MMP26: variants seen among roughly 807,000 people sequenced by gnomAD.
The protein encoded by MMP26 is matrix metalloproteinase-26.
A neutral mutation model predicts 31.0 loss-of-function variants in MMP26; 33 were observed. The observed-to-expected ratio is 1.06, with a 90% confidence interval of 0.81 to 1.42. The LOEUF (loss-of-function observed/expected upper bound fraction) is 1.42. Ranked by LOEUF, MMP26 falls within the 40% of genes most tolerant of loss-of-function variation. The pLI is 0.00. For missense variants in MMP26, 347 were observed against 316.1 expected (o/e 1.10, Z -0.74); for synonymous variants, 122 against 114.9 (o/e 1.06, Z -0.40).
rs568479519 is a variant in MMP26 at position 4,929,612 on chromosome 11, C to T, written c.-144-58456C>T. Reference sequence around the variant, plus strand: ...CTGTTCATTCAAATTAATTTTACTCCCTTTTTATTGCAGTTTTTCTAGTCA... The same window carrying T: ...CTGTTCATTCAAATTAATTTTACTCTCTTTTTATTGCAGTTTTTCTAGTCA... On this transcript the variant is annotated intron_variant, in intron 2 of 7. Transcript: ENST00000380390. Among the ~76,000 whole-genome samples, 88 of 152,082 alleles carry T rather than the reference C, an allele frequency of 5.8e-4. 1 individual carries two copies. The highest frequency in any genetic ancestry group is 5.0e-3 in the Admixed American group (76 of 15,260).
intron 2 of MMP26, among the ~76,000 whole-genome samples, chr11:4,784,531 C>A (rs762566743): frequency 6.6e-6 from 1 of 152,088 alleles, no homozygotes; most frequent in Non-Finnish European, 1.5e-5. Flanking sequence ...TTTTAAGAGA[C>A]AGAAAAGGAG....
intron 2 of MMP26, chr11:4,832,772 T>C (rs929129043): frequency 1.8e-5 from 3 of 169,512 alleles, no homozygotes; most frequent in African/African-American, 7.1e-5. Flanking sequence ...AGTGTTTTTA[T>C]TGCTATTTCC....
rs55678976 is a variant in MMP26, at chr11:4,901,149, C to CTTTTTTTTTTT, written c.-144-86902_-144-86892dup. Among the ~76,000 whole-genome samples the CTTTTTTTTTTT allele has an allele frequency of 7.1e-5, 6 of 84,512 alleles. 1 individual carries two copies. The highest frequency in any genetic ancestry group is 1.4e-4 in the African/African-American group (3 of 20,904). The allele number at this position is 84,512 out of a possible 152,430, so 55.4% of individuals were successfully genotyped here. Reference sequence around the variant, plus strand: ...GTGGACTTCGCATCACCTCTTTGTGCTTTTTTTTTTTTTTTTTTTTTTTTT... The same window carrying CTTTTTTTTTTT: ...GTGGACTTCGCATCACCTCTTTGTGCTTTTTTTTTTTTTTTTTTTTTTTTTTTTTTTTTTTT... On this transcript the variant is annotated intron_variant, in intron 2 of 7. Coordinates refer to ENST00000380390, the MANE Select transcript of MMP26 (RefSeq NM_021801.5).
intron 2 of MMP26, chr11:4,848,822 A>C (rs764553647): frequency 3.1e-6 from 5 of 1,614,084 alleles, no homozygotes; most frequent in Non-Finnish European, 4.2e-6. Flanking sequence ...CCAGTGCCCG[A>C]TCAATGGACA....
intron 2 of MMP26, among the ~76,000 whole-genome samples, chr11:4,850,411 C>A (rs574281787): frequency 2.5e-4 from 38 of 152,242 alleles, no homozygotes; most frequent in African/African-American, 8.2e-4. Context: ...TTGGTGCCAC[C>A]ATTAATCAAT....
intron 2 of MMP26, among the ~76,000 whole-genome samples, chr11:4,811,987 G>A (rs867682717): frequency 6.6e-6 from 1 of 152,132 alleles, no homozygotes; most frequent in Non-Finnish European, 1.5e-5. Context: ...GCTCACAGCT[G>A]TTTGTCGAAG....
chr11:4,847,460 A>T (rs959762192), intron 2 of MMP26: 3 of 150,086 alleles, frequency 2.0e-5, no homozygotes, highest in Non-Finnish European at 4.5e-5. Context: ...GCAAAAATTT[A>T]AAAAATTAAA....
intron 2 of MMP26, among the ~76,000 whole-genome samples, chr11:4,959,740 C>T (rs1846494936): frequency 6.6e-6 from 1 of 152,164 alleles, no homozygotes; most frequent in African/African-American, 2.4e-5. Context: ...ACGTATGTTA[C>T]AAGACCCTTA....
At chr11:4,816,444 A>G (rs1000777169) in intron 2 of MMP26, among the ~76,000 whole-genome samples, 3 of 152,070 alleles carry the variant, frequency 2.0e-5, no homozygotes, top group Non-Finnish European at 4.4e-5. Flanking sequence ...TTCATTGCTG[A>G]AAGTAGGATG....
At chr11:4,826,751 G>A (rs1849583014) in intron 2 of MMP26, among the ~76,000 whole-genome samples, 1 of 152,058 alleles carries the variant, frequency 6.6e-6, no homozygotes, top group South Asian at 2.1e-4. Flanking sequence ...TCATCACAGA[G>A]CAGGTAAAAA....
intron 2 of MMP26, chr11:4,907,322 C>CA (rs2133565418): frequency 7.6e-7 from 1 of 1,323,854 alleles, no homozygotes; most frequent in Non-Finnish European, 1.1e-6. Context: ...GACTGCTTTT[C>CA]ATTTATATGG....
chr11:4,808,760 CTT>C (rs11335702), intron 2 of MMP26, among the ~76,000 whole-genome samples: 144 of 142,160 alleles, frequency 1.0e-3, no homozygotes, highest in Non-Finnish European at 1.0e-3. Flanking sequence ...CTCAGATTTT[CTT>C]TTTTTTTTTT....
chr11:4,882,997 G>C, intron 2 of MMP26: 2 of 740,010 alleles, frequency 2.7e-6, no homozygotes, highest in Non-Finnish European at 4.4e-6. Flanking sequence ...TTAGGAGTGG[G>C]AAGAAGACAG....
intron 2 of MMP26, among the ~76,000 whole-genome samples, chr11:4,967,435 A>G (rs1311506281): frequency 6.6e-6 from 1 of 152,202 alleles, no homozygotes; most frequent in Non-Finnish European, 1.5e-5. Flanking sequence ...ATATTCTTTC[A>G]AGGCCAAGAA....
At chr11:4,953,187 C>A (rs1317521356) in intron 2 of MMP26, among the ~76,000 whole-genome samples, 1 of 125,058 alleles carries the variant, frequency 8.0e-6, no homozygotes, top group African/African-American at 2.7e-5. Flanking sequence ...TTGAAATAGA[C>A]AATTTAAGAA....
intron 2 of MMP26, among the ~76,000 whole-genome samples, chr11:4,857,870 A>G (rs1251099577): frequency 6.6e-6 from 1 of 152,210 alleles, no homozygotes; most frequent in Non-Finnish European, 1.5e-5. Context: ...CAAAAAGCTT[A>G]TCCGCCACGA....
At chr11:4,943,575 C>T (rs970161587) in intron 2 of MMP26, 9 of 426,054 alleles carry the variant, frequency 2.1e-5, no homozygotes, top group East Asian at 7.1e-5. Context: ...TGGTTAGTAG[C>T]GTCTCCGGCC....
At chr11:4,852,965 C>T (rs1318583504) in intron 2 of MMP26, among the ~76,000 whole-genome samples, 1 of 152,046 alleles carries the variant, frequency 6.6e-6, no homozygotes, top group Admixed American at 6.6e-5. Flanking sequence ...AAGAAAAATG[C>T]TGCACGACCT....
chr11:4,946,324 C>G (rs761796505), intron 2 of MMP26: 146 of 1,613,662 alleles, frequency 9.0e-5, no homozygotes, highest in Non-Finnish European at 1.4e-5. Flanking sequence ...GGACAACGGC[C>G]AGGTTGATGA....
Sources: gnomAD v4.1 joint callset for allele counts (sites outside exome capture counted in the v4.1 genomes callset) on GRCh38, gnomAD v4.1.1 for gene constraint, MANE v1.5 for transcripts, NCBI Gene and HGNC (gene_info 2026-07-23, HGNC 2026-07-21) for gene names.